PIK3C2G: variants seen among roughly 807,000 people sequenced by gnomAD.
PIK3C2G encodes phosphatidylinositol-4-phosphate 3-kinase catalytic subunit type 2 gamma.
A neutral mutation model predicts 181.1 loss-of-function variants in PIK3C2G; 168 were observed. The ratio of observed to expected loss-of-function variants is 0.93; its 90% CI spans 0.82 to 1.05. PIK3C2G has a LOEUF of 1.05. Among genes scored for constraint, PIK3C2G ranks in the 50% least tolerant of loss-of-function variants. The probability of loss-of-function intolerance (pLI) is 0.00; values close to 1 mark genes in which losing one functional copy is unlikely to be tolerated. For synonymous variants in PIK3C2G, 573 were observed against 592.2 expected, an observed-to-expected ratio of 0.97 and a Z score of 0.47; for missense variants, 1,869 against 1,732.8, an observed-to-expected ratio of 1.08 and a Z score of -1.40.
chr12:18,667,293 T>C, the PIK3C2G span, among the ~76,000 whole-genome samples: 1 of 152,158 alleles, frequency 6.6e-6, no homozygotes, highest in Non-Finnish European at 1.5e-5. Flanking sequence ...GTGTAATATC[T>C]TAATTAAACC....
At chr12:18,587,885 G>T (rs1010395511) in intron 29 of PIK3C2G, among the ~76,000 whole-genome samples, 1 of 151,134 alleles carries the variant, frequency 6.6e-6, no homozygotes, top group Non-Finnish European at 1.5e-5. Flanking sequence ...AAACAGCATG[G>T]TACTGATTAA....
Position 18,346,750 on chromosome 12 carries a change from C to T in PIK3C2G, c.1539C>T (p.Cys513=). The T allele has an allele frequency of 1.2e-6, 2 of 1,613,442 alleles. No homozygotes were observed. The highest frequency in any genetic ancestry group is 1.7e-6 in the Non-Finnish European group (2 of 1,179,510). ...ADFQPVNVPR[C]TSYLNPGLPS... is the part of the protein sequence containing the mutation. ...TTCAGCCTGTAAATGTACCTAGATGCACTTCCTATCTAAATCCCGGGCTTC... is the reference window on the plus strand; with the variant it reads ...TTCAGCCTGTAAATGTACCTAGATGTACTTCCTATCTAAATCCCGGGCTTC... Residue 513 remains cysteine (C), a synonymous_variant, in exon 11 of 33, where the codon TGC becomes TGT. Transcript: ENST00000538779.
intron 31 of PIK3C2G, among the ~76,000 whole-genome samples, chr12:18,631,775 T>A (rs1360027060): frequency 1.3e-5 from 2 of 152,178 alleles, no homozygotes; most frequent in African/African-American, 4.8e-5. Flanking sequence ...GTAGCAGTAC[T>A]AACAAAGTCT....
intron 8 of PIK3C2G, 128 bp from the exon 9 acceptor site, chr12:18,338,298 T>C: frequency 1.4e-6 from 1 of 708,276 alleles, no homozygotes; most frequent in Non-Finnish European, 2.3e-6. Flanking sequence ...AACTTTCTTT[T>C]TGTGTGAAAG....
chr12:18,477,618 T>G (rs1939136537), intron 18 of PIK3C2G, among the ~76,000 whole-genome samples: 1 of 152,188 alleles, frequency 6.6e-6, no homozygotes, highest in Admixed American at 6.5e-5. Flanking sequence ...CCCAGCCAAC[T>G]TTAGGGGACA....
intron 26 of PIK3C2G, among the ~76,000 whole-genome samples, chr12:18,557,210 T>A (rs772321482): frequency 3.2e-4 from 48 of 152,056 alleles, no homozygotes; most frequent in Non-Finnish European, 6.2e-4. Context: ...AAAGATAGTA[T>A]CTTCTATATT....
intron 26 of PIK3C2G, among the ~76,000 whole-genome samples, chr12:18,559,835 G>T (rs1433910287): frequency 6.5e-4 from 67 of 102,794 alleles, no homozygotes; most frequent in Non-Finnish European, 1.0e-3. Flanking sequence ...GAGAGAGAGA[G>T]AGAGAGAGAG....
the PIK3C2G span, among the ~76,000 whole-genome samples, chr12:18,669,179 A>C: frequency 1.3e-5 from 2 of 152,314 alleles, no homozygotes; most frequent in Admixed American, 1.3e-4. Flanking sequence ...TAAAGCACAC[A>C]CACAAAAGAA....
At chr12:18,282,815 T>C in intron 2 of PIK3C2G, 56 bp downstream of exon 2, 2 of 1,166,162 alleles carry the variant, frequency 1.7e-6, no homozygotes, top group Non-Finnish European at 2.4e-6. Context: ...CATTCAATAA[T>C]GTATTGGGTT....
chr12:18,486,064 G>A (rs891023608), intron 18 of PIK3C2G, among the ~76,000 whole-genome samples: 1 of 152,150 alleles, frequency 6.6e-6, no homozygotes, highest in Non-Finnish European at 1.5e-5. Context: ...CATTTAAAGT[G>A]TCTGTGCCTG....
At chr12:18,403,225 G>A (rs1054677376) in intron 16 of PIK3C2G, among the ~76,000 whole-genome samples, 1 of 152,054 alleles carries the variant, frequency 6.6e-6, no homozygotes, top group Non-Finnish European at 1.5e-5. Context: ...AGAGGTTATG[G>A]GGACTGATTT....
intron 21 of PIK3C2G, among the ~76,000 whole-genome samples, chr12:18,497,045 T>A (rs1424696646): frequency 6.6e-6 from 1 of 152,188 alleles, no homozygotes; most frequent in African/African-American, 2.4e-5. Context: ...AACCAATACA[T>A]GACTATCACC....
At chr12:18,684,220 A>T in the PIK3C2G span, 1 of 1,611,754 alleles carries the variant, frequency 6.2e-7, no homozygotes, top group South Asian at 1.1e-5. Flanking sequence ...AAACGTATCA[A>T]TGCCAATTCT....
At chr12:18,639,182 T>C (rs980960576) in intron 31 of PIK3C2G, among the ~76,000 whole-genome samples, 2 of 152,022 alleles carry the variant, frequency 1.3e-5, no homozygotes, top group Non-Finnish European at 2.9e-5. Flanking sequence ...ATAATTATAA[T>C]AAAAACCCAA....
intron 24 of PIK3C2G, among the ~76,000 whole-genome samples, chr12:18,521,031 G>A (rs1384076515): frequency 6.6e-6 from 1 of 152,036 alleles, no homozygotes; most frequent in East Asian, 1.9e-4. Flanking sequence ...GTTTGCTGGG[G>A]GTTCACTTCA....
intron 29 of PIK3C2G, among the ~76,000 whole-genome samples, chr12:18,584,194 A>ATT (rs973453783): frequency 6.9e-6 from 1 of 144,926 alleles, no homozygotes; most frequent in African/African-American, 2.5e-5. Flanking sequence ...TGCCCAGCTA[A>ATT]TTTTTTTTTT....
At chr12:18,710,976 C>T in the PIK3C2G span, among the ~76,000 whole-genome samples, 2 of 151,990 alleles carry the variant, frequency 1.3e-5, no homozygotes, top group Admixed American at 6.6e-5. Flanking sequence ...GTCAGTGTGG[C>T]GATTCCTCAG....
intron 18 of PIK3C2G, 25 bp from the exon 19 acceptor site, chr12:18,488,424 A>AT (rs1490224817): frequency 4.8e-6 from 7 of 1,457,166 alleles, no homozygotes; most frequent in South Asian, 1.5e-5. Flanking sequence ...ACATACAAGA[A>AT]TTTTTTTCTC....
intron 18 of PIK3C2G, among the ~76,000 whole-genome samples, chr12:18,462,264 G>A (rs946967763): frequency 6.6e-6 from 1 of 152,098 alleles, no homozygotes; most frequent in African/African-American, 2.4e-5. Flanking sequence ...ACAAACGGCT[G>A]AAGAAATTTA....
Sources: allele counts gnomAD v4.1 joint callset (sites outside exome capture counted in the v4.1 genomes callset), GRCh38; gene constraint gnomAD v4.1.1; transcripts MANE v1.5; gene names NCBI Gene and HGNC (gene_info 2026-07-23, HGNC 2026-07-21).